Variants in GABBR2 observed in about 807,000 individuals in gnomAD.
GABBR2 encodes G-protein coupled receptor 51.
In GABBR2, 23 loss-of-function variants were observed where a neutral mutation model predicts 105.6. The ratio of observed to expected loss-of-function variants is 0.22; its 90% CI spans 0.16 to 0.31. The LOEUF (loss-of-function observed/expected upper bound fraction) is 0.31, where lower values mean the gene tolerates loss of function less well. Ranked by LOEUF, GABBR2 falls within the 10% of genes least tolerant of loss-of-function variation. The pLI, the probability that GABBR2 is intolerant of heterozygous loss-of-function variation, is 1.00. For synonymous variants in GABBR2, 478 were observed against 499.7 expected (o/e 0.96, Z 0.58); for missense variants, 734 against 1,245.5 (o/e 0.59, Z 6.18).
At chr9:98,563,011 A>C (rs1464256440) in intron 2 of GABBR2, among the ~76,000 whole-genome samples, 1 of 127,138 alleles carries the variant, frequency 7.9e-6, no homozygotes, top group Non-Finnish European at 1.6e-5. Flanking sequence ...TGGAGGTTGC[A>C]GTGAGCTGAG....
At chr9:98,425,777 A>G (rs1384056790) in intron 7 of GABBR2, among the ~76,000 whole-genome samples, 2 of 152,158 alleles carry the variant, frequency 1.3e-5, no homozygotes, top group Non-Finnish European at 2.9e-5. Context: ...CGGAACTCTG[A>G]AGCCAGTTAC....
intron 2 of GABBR2, among the ~76,000 whole-genome samples, chr9:98,545,269 C>T (rs907117283): frequency 8.5e-5 from 13 of 152,134 alleles, no homozygotes; most frequent in African/African-American, 2.4e-4. Flanking sequence ...ATATGTGCCC[C>T]GGGTCTAAAT....
chr9:98,525,550 C>G (rs1160123219), intron 3 of GABBR2, among the ~76,000 whole-genome samples: 2 of 152,152 alleles, frequency 1.3e-5, no homozygotes, highest in Non-Finnish European at 2.9e-5. Flanking sequence ...ACCCTCATAC[C>G]TTGCTGGTGG....
At chr9:98,475,373 A>G (rs1292960845) in intron 5 of GABBR2, among the ~76,000 whole-genome samples, 1 of 152,048 alleles carries the variant, frequency 6.6e-6, no homozygotes, top group Non-Finnish European at 1.5e-5. Context: ...AGAAAAGAAA[A>G]GAAAAGAAAT....
At chr9:98,554,178 G>A (rs1828540822) in intron 2 of GABBR2, among the ~76,000 whole-genome samples, 1 of 152,078 alleles carries the variant, frequency 6.6e-6, no homozygotes, top group Non-Finnish European at 1.5e-5. Context: ...GCTAAGACTA[G>A]AAAGCAACCA....
intron 13 of GABBR2, among the ~76,000 whole-genome samples, chr9:98,352,681 G>A (rs73492896): frequency 6.6e-6 from 1 of 152,070 alleles, no homozygotes; most frequent in Non-Finnish European, 1.5e-5. Context: ...AGGGGGAGGG[G>A]TTATCGGCAT....
At chr9:98,352,681 G>C (rs73492896) in intron 13 of GABBR2, among the ~76,000 whole-genome samples, 3,999 of 152,178 alleles carry the variant, frequency 0.026, 168 homozygotes, top group African/African-American at 0.093. Context: ...AGGGGGAGGG[G>C]TTATCGGCAT....
chr9:98,553,037 G>A (rs576280740), intron 2 of GABBR2, among the ~76,000 whole-genome samples: 1 of 151,852 alleles, frequency 6.6e-6, no homozygotes, highest in Admixed American at 6.6e-5. Flanking sequence ...CACCATGCCT[G>A]GCTATTTTTT....
At chr9:98,371,142 A>C (rs1831774544) in intron 12 of GABBR2, among the ~76,000 whole-genome samples, 1 of 152,052 alleles carries the variant, frequency 6.6e-6, no homozygotes, top group Non-Finnish European at 1.5e-5. Context: ...CAAGGTCCCC[A>C]GCATCCCTAT....
chr9:98,491,822 C>T (rs1335029695), intron 4 of GABBR2, among the ~76,000 whole-genome samples: 1 of 152,144 alleles, frequency 6.6e-6, no homozygotes, highest in Admixed American at 6.5e-5. Flanking sequence ...TCTGCATACA[C>T]TTTTATAACA....
At chr9:98,576,651 C>G (rs1439995787) in intron 2 of GABBR2, among the ~76,000 whole-genome samples, 1 of 152,126 alleles carries the variant, frequency 6.6e-6, no homozygotes, top group Non-Finnish European at 1.5e-5. Flanking sequence ...GATAAGGTAC[C>G]TAAAGCATAG....
chr9:98,610,942 G>A (rs1165426729), intron 1 of GABBR2, among the ~76,000 whole-genome samples: 8 of 152,134 alleles, frequency 5.3e-5, no homozygotes, highest in African/African-American at 1.9e-4. Context: ...AGTGAGCAGA[G>A]ATTGCACCAT....
intron 1 of GABBR2, among the ~76,000 whole-genome samples, chr9:98,676,687 C>T (rs547356414): frequency 1.2e-4 from 19 of 152,280 alleles, no homozygotes; most frequent in Admixed American, 3.3e-4. Context: ...TCCTATAGCA[C>T]GATGGGACAA....
intron 13 of GABBR2, among the ~76,000 whole-genome samples, chr9:98,349,358 T>G (rs1221676987): frequency 6.0e-5 from 1 of 16,632 alleles, no homozygotes; most frequent in East Asian, 1.0e-3. Context: ...TGTTTTTTTT[T>G]TTTTTTTTTT....
At chr9:98,316,983 C>A (rs1026264745) in intron 13 of GABBR2, among the ~76,000 whole-genome samples, 1 of 152,184 alleles carries the variant, frequency 6.6e-6, no homozygotes, top group Non-Finnish European at 1.5e-5. Flanking sequence ...CCTCCTCTCA[C>A]GTGCATCATT....
intron 2 of GABBR2, among the ~76,000 whole-genome samples, chr9:98,565,187 G>A (rs2808527): frequency 0.27 from 41,411 of 152,104 alleles, 6,868 homozygotes; most frequent in East Asian, 0.46. Context: ...CAGAAGGGGT[G>A]TCCTACACCT....
chr9:98,422,032 T>C (rs568520738), intron 7 of GABBR2, among the ~76,000 whole-genome samples: 18 of 152,110 alleles, frequency 1.2e-4, no homozygotes, highest in African/African-American at 3.9e-4. Context: ...AAACAGACAA[T>C]AGAATGAAAG....
chr9:98,395,033 T>C (rs1832262142), intron 8 of GABBR2, among the ~76,000 whole-genome samples: 1 of 152,224 alleles, frequency 6.6e-6, no homozygotes, highest in African/African-American at 2.4e-5. Context: ...CATTCAAATT[T>C]ACTCTCAACC....
intron 13 of GABBR2, among the ~76,000 whole-genome samples, chr9:98,325,558 C>G (rs1830908370): frequency 6.6e-6 from 1 of 152,140 alleles, no homozygotes; most frequent in South Asian, 2.1e-4. Flanking sequence ...TTCCAAAGTG[C>G]TGGGATTACA....
Sources: gnomAD v4.1 joint callset for allele counts (sites outside exome capture counted in the v4.1 genomes callset) on GRCh38, gnomAD v4.1.1 for gene constraint, MANE v1.5 for transcripts, NCBI Gene and HGNC (gene_info 2026-07-23, HGNC 2026-07-21) for gene names.